The following OPCML variants were observed in gnomAD, a reference collection of about 807,000 sequenced individuals.
OPCML encodes the protein opioid-binding protein/cell adhesion molecule.
In OPCML, 13 loss-of-function variants were observed where a neutral mutation model predicts 37.8. The observed-to-expected ratio is 0.34, with a 90% CI of 0.22 to 0.55. The LOEUF (loss-of-function observed/expected upper bound fraction) is 0.55, where lower values mean the gene tolerates loss of function less well. Among genes scored for constraint, OPCML ranks in the 20% least tolerant of loss-of-function variants. The pLI, the probability that OPCML is intolerant of heterozygous loss-of-function variation, is 0.91. For synonymous variants in OPCML, 176 were observed against 168.8 expected (o/e 1.04, Z -0.33); for missense variants, 341 against 435.6 (o/e 0.78, Z 1.93).
At chr11:132,516,947 T>G (rs2096281353) in intron 4 of OPCML, among the ~76,000 whole-genome samples, 1 of 152,086 alleles carries the variant, frequency 6.6e-6, no homozygotes, top group Non-Finnish European at 1.5e-5. Context: ...AGCCACAAGT[T>G]CTTCAACCCA....
At chr11:133,263,980 G>A (rs1486258729) in intron 1 of OPCML, among the ~76,000 whole-genome samples, 1 of 152,070 alleles carries the variant, frequency 6.6e-6, no homozygotes, top group Non-Finnish European at 1.5e-5. Context: ...GTTTAAAATG[G>A]AACAGTGAAG....
chr11:132,662,285 G>T (rs1259948082), intron 2 of OPCML, among the ~76,000 whole-genome samples: 2 of 152,058 alleles, frequency 1.3e-5, no homozygotes, highest in African/African-American at 4.8e-5. Context: ...ACCACTCACT[G>T]CCTTAAAGAA....
intron 2 of OPCML, among the ~76,000 whole-genome samples, chr11:132,782,759 G>A (rs1015240348): frequency 2.6e-5 from 4 of 151,700 alleles, no homozygotes; most frequent in Non-Finnish European, 4.4e-5. Context: ...AAATCATGCC[G>A]TTGTTTAATA....
intron 4 of OPCML, among the ~76,000 whole-genome samples, chr11:132,496,451 A>T (rs968287321): frequency 7.9e-5 from 12 of 152,232 alleles, no homozygotes; most frequent in African/African-American, 2.2e-4. Flanking sequence ...GGTTCTTGTT[A>T]GGAAAATAAT....
At chr11:132,586,808 A>G (rs1018306553) in intron 3 of OPCML, among the ~76,000 whole-genome samples, 1 of 152,150 alleles carries the variant, frequency 6.6e-6, no homozygotes, top group Non-Finnish European at 1.5e-5. Context: ...GAGGTGTATG[A>G]TATCATGAAA....
At chr11:133,008,529 G>A (rs897183832) in intron 1 of OPCML, 2 of 712,838 alleles carry the variant, frequency 2.8e-6, no homozygotes, top group African/African-American at 1.9e-5. Context: ...GCTGTGGAAG[G>A]CTCCCAGCTG....
intron 1 of OPCML, among the ~76,000 whole-genome samples, chr11:133,183,601 A>G (rs1274233755): frequency 6.6e-6 from 1 of 152,216 alleles, no homozygotes; most frequent in East Asian, 1.9e-4. Context: ...TACTATACTG[A>G]AAAAATGCTA....
At chr11:133,341,007 C>T (rs1208509277) in intron 1 of OPCML, among the ~76,000 whole-genome samples, 2 of 152,032 alleles carry the variant, frequency 1.3e-5, no homozygotes, top group African/African-American at 4.8e-5. Context: ...TGCCTATCCC[C>T]CTTCTTCTCT....
intron 2 of OPCML, among the ~76,000 whole-genome samples, chr11:132,782,435 T>C (rs1182530611): frequency 6.6e-6 from 1 of 152,226 alleles, no homozygotes; most frequent in Non-Finnish European, 1.5e-5. Flanking sequence ...GGATAAATGT[T>C]TCTTAGTAAA....
chr11:133,135,436 A>G (rs1170294257), intron 1 of OPCML, among the ~76,000 whole-genome samples: 2 of 102,588 alleles, frequency 1.9e-5, no homozygotes, highest in South Asian at 7.8e-4. Flanking sequence ...TTTGCCCTCC[A>G]TAGGTTTTTT....
chr11:133,046,337 T>A (rs1948015284), intron 1 of OPCML, among the ~76,000 whole-genome samples: 1 of 152,184 alleles, frequency 6.6e-6, no homozygotes, highest in Non-Finnish European at 1.5e-5. Context: ...TTTGACAGTG[T>A]GAAAATGACT....
intron 1 of OPCML, among the ~76,000 whole-genome samples, chr11:133,244,059 C>T (rs374813138): frequency 2.0e-5 from 3 of 152,148 alleles, no homozygotes; most frequent in East Asian, 3.9e-4. Context: ...GCAGACTCCA[C>T]CTTGGGGCAG....
At chr11:133,317,036 A>G (rs1187555423) in intron 1 of OPCML, among the ~76,000 whole-genome samples, 6 of 152,100 alleles carry the variant, frequency 3.9e-5, no homozygotes, top group Admixed American at 3.9e-4. Flanking sequence ...CATCTCTACT[A>G]AAAATACAAA....
intron 1 of OPCML, among the ~76,000 whole-genome samples, chr11:133,229,839 C>T (rs998802487): frequency 6.6e-6 from 1 of 152,166 alleles, no homozygotes; most frequent in African/African-American, 2.4e-5. Context: ...CAGACCTGTC[C>T]AAAGCCTTTA....
At chr11:132,715,236 T>C (rs1308529027) in intron 2 of OPCML, among the ~76,000 whole-genome samples, 1 of 152,236 alleles carries the variant, frequency 6.6e-6, no homozygotes, top group Admixed American at 6.5e-5. Context: ...GCTCACTCAC[T>C]TACTCATCTG....
At chr11:133,180,495 A>G (rs899863764) in intron 1 of OPCML, among the ~76,000 whole-genome samples, 1 of 152,184 alleles carries the variant, frequency 6.6e-6, no homozygotes, top group Admixed American at 6.5e-5. Context: ...TCATGGAAAC[A>G]GCCTGCAAGA....
intron 1 of OPCML, among the ~76,000 whole-genome samples, chr11:133,507,074 T>C (rs1948048900): frequency 6.6e-6 from 1 of 152,256 alleles, no homozygotes; most frequent in South Asian, 2.1e-4. Context: ...GTGTGTCTAT[T>C]TCTCCCTTGC....
intron 1 of OPCML, among the ~76,000 whole-genome samples, chr11:133,226,834 G>A (rs779436919): frequency 1.3e-5 from 2 of 152,030 alleles, no homozygotes; most frequent in Admixed American, 6.6e-5. Context: ...CCAAACCAGC[G>A]CAGTTTAACA....
intron 2 of OPCML, among the ~76,000 whole-genome samples, chr11:132,705,857 G>A (rs976759626): frequency 3.9e-5 from 6 of 152,040 alleles, no homozygotes; most frequent in Admixed American, 3.3e-4. Flanking sequence ...ACCCAGGATG[G>A]AGTGCAGTGG....
Sources: allele counts gnomAD v4.1 joint callset (sites outside exome capture counted in the v4.1 genomes callset), GRCh38; gene constraint gnomAD v4.1.1; transcripts MANE v1.5; gene names NCBI Gene and HGNC (gene_info 2026-07-23, HGNC 2026-07-21).